Variants in PCDHB14 observed in about 807,000 individuals in gnomAD.
PCDHB14 encodes protocadherin beta 14.
For synonymous variants in PCDHB14, 511 were observed against 441.5 expected (o/e 1.16, Z -1.97); for missense variants, 1,129 against 1,000.5 (o/e 1.13, Z -1.73).
rs782530967 is a variant in PCDHB14, at chr5:141,225,557, C to T, written c.2052C>T (p.Asp684=). 2.5e-6 allele frequency: 4 copies of T among 1,610,780 alleles called. No individual in the cohort carries two copies. Among genetic ancestry groups the T allele is most frequent in the Non-Finnish European group, 3.4e-6 (4 of 1,179,798 alleles). The change falls in exon 1 of 1, where the codon GAC becomes GAT. Residue 684 remains aspartate, a synonymous_variant. Coordinates refer to ENST00000239449, the MANE Select transcript of PCDHB14 (RefSeq NM_018934.4). ...PEAAPAQAQA[D]SLTVYLVVAL... Reference sequence around the variant, plus strand: ...CGGCCCCGGCCCAGGCCCAGGCCGACTCCCTCACCGTCTACCTGGTGGTGG... The same window carrying T: ...CGGCCCCGGCCCAGGCCCAGGCCGATTCCCTCACCGTCTACCTGGTGGTGG...
Position 141,225,690 on chromosome 5 carries a change from G to T in PCDHB14, c.2185G>T (p.Glu729Ter). The stretch of plus-strand genomic sequence containing the variant: ...CTCGGTGGGTCGCTGCTCGGTGCCC[G>T]AGGGTCCCTTTCCAGGGCATCTGGT... ...AASVGRCSVP[E>*]GPFPGHLVDV... Residue 729 changes from glutamate to a stop codon, truncating the protein, a stop_gained, in exon 1 of 1, where the codon GAG (glutamate) becomes TAG (stop). Transcript: ENST00000239449. LOFTEE classifies it low-confidence loss of function (END_TRUNC). 1.2e-6 allele frequency: 2 copies of T among 1,613,950 alleles called. No homozygotes were observed. The highest frequency in any genetic ancestry group is 2.2e-5 in the South Asian group (2 of 91,056).
rs191524936 is a variant in PCDHB14 at position 141,223,895 on chromosome 5, C to T, written c.390C>T (p.Ser130=). Reference sequence around the variant, plus strand: ...GTGTCAAAGACATAAATGATCACTCCCCTACATTTCTAGACAAGGAAATAC... The same window carrying T: ...GTGTCAAAGACATAAATGATCACTCTCCTACATTTCTAGACAAGGAAATAC... ...ELCVKDINDH[S]PTFLDKEILI... The change falls in exon 1 of 1, where the codon TCC becomes TCT. Residue 130 remains serine (S), a synonymous_variant. Transcript: ENST00000239449. 2.7e-4 allele frequency: 432 copies of T among 1,613,464 alleles called. No individual in the cohort carries two copies. The highest frequency in any genetic ancestry group is 2.8e-4 in the Non-Finnish European group (336 of 1,179,822).
Position 141,225,094 on chromosome 5 carries a change from G to C in PCDHB14, c.1589G>C (p.Arg530Pro), listed in dbSNP as rs370360628. The C allele has an allele frequency of 1.2e-6, 2 of 1,612,080 alleles. No individual in the cohort carries two copies. The highest frequency in any genetic ancestry group is 2.7e-5 in the African/African-American group (2 of 74,886). Residue 530 changes from arginine to proline, a missense_variant, in exon 1 of 1, where the codon CGC (arginine) becomes CCC (proline). Arg to Pro is a moderately radical substitution (Grantham distance 103). Transcript: ENST00000239449. ...GAGGCCCTACAGGAGTTCGAGTTTC[G>C]CGTGGGCGCCACAGACCGCGGGTCC... ...DYEALQEFEF[R>P]VGATDRGSPA...
In PCDHB14 at chr5:141,225,390, C is replaced by G; in HGVS notation, c.1885C>G (p.Leu629Val). 2 of 1,604,276 alleles carry G rather than the reference C, an allele frequency of 1.2e-6. No individual in the cohort carries two copies. The highest frequency in any genetic ancestry group is 1.7e-6 in the Non-Finnish European group (2 of 1,179,378). Residue 629 changes from leucine (L) to valine (V), a missense_variant, in exon 1 of 1, where the codon CTG becomes GTG. Leu to Val is a conservative substitution (Grantham distance 32). Coordinates refer to ENST00000239449, the MANE Select transcript of PCDHB14 (RefSeq NM_018934.4). ...AHNGEVRTAR[L>V]LSERDAAKHR... ...CAATGGCGAGGTGCGCACCGCCAGG[C>G]TGCTGAGCGAGCGCGACGCGGCCAA...
At position 141,223,603 on chromosome 5, in the gene PCDHB14, A is replaced by T. The variant is rs782496577; in HGVS notation, c.98A>T (p.Tyr33Phe). The T allele has an allele frequency of 1.2e-6, 2 of 1,614,032 alleles. No homozygotes were observed. Among genetic ancestry groups the T allele is most frequent in the East Asian group, 4.5e-5 (2 of 44,894 alleles). ...CGGGCAGGTACTGAATCTGCACACT[A>T]TTCTGTGGCAGAGGAAACAGAAATT... ...LSRAGTESAH[Y>F]SVAEETEIGS... The change falls in exon 1 of 1, where the codon TAT becomes TTT. Residue 33 changes from tyrosine to phenylalanine, a missense_variant. Tyr to Phe is a conservative substitution (Grantham distance 22). Transcript: ENST00000239449.
chr5:141,223,674 G>A lies in PCDHB14; in HGVS notation c.169G>A (p.Glu57Lys), dbSNP rs147516119. The A allele has an allele frequency of 3.7e-6, 6 of 1,614,010 alleles. No homozygotes were observed. Among genetic ancestry groups the A allele is most frequent in the Non-Finnish European group, 5.1e-6 (6 of 1,180,038 alleles). ...AGCGAGGGACCTAGGGCTGGGGGTG[G>A]AGGAGCTGTCTTCACGTGAAGCCCG... ...NLARDLGLGV[E>K]ELSSREARVV... The change falls in exon 1 of 1, where the codon GAG becomes AAG. Residue 57 changes from glutamate (E) to lysine (K), a missense_variant. Coordinates refer to ENST00000239449, the MANE Select transcript of PCDHB14 (RefSeq NM_018934.4).
Position 141,224,707 on chromosome 5 carries a change from T to A in PCDHB14, c.1202T>A (p.Phe401Tyr). 1 of 1,614,150 alleles carries A rather than the reference T, an allele frequency of 6.2e-7. No homozygotes were observed. Among genetic ancestry groups the A allele is most frequent in the Non-Finnish European group, 8.5e-7 (1 of 1,180,018 alleles). ...FFLKPTFKNF[F>Y]TLVSEKALDR... ...CTGAAACCGACCTTCAAGAACTTTT[T>A]CACTCTAGTTTCTGAAAAAGCACTG... is the stretch of plus-strand genomic sequence containing the variant. The change falls in exon 1 of 1, where the codon TTC (phenylalanine) becomes TAC (tyrosine). Residue 401 changes from phenylalanine (F) to tyrosine (Y), a missense_variant. Physicochemically the swap from Phe to Tyr is conservative, Grantham distance 22 (BLOSUM62 3). Transcript: ENST00000239449.
At position 141,223,980 on chromosome 5, in the gene PCDHB14, G is replaced by T; in HGVS notation, c.475G>T (p.Asp159Tyr). The T allele has an allele frequency of 6.2e-7, 1 of 1,613,676 alleles. No homozygotes were observed. Among genetic ancestry groups the T allele is most frequent in the Middle Eastern group, 1.7e-4 (1 of 6,054 alleles). ...GATFLMESAQ[D>Y]LDVGSNSLQN... ...TACCTTTCTAATGGAGAGTGCTCAA[G>T]ATTTGGATGTCGGAAGCAACAGTCT... Residue 159 changes from aspartate to tyrosine, a missense_variant, in exon 1 of 1, where the codon GAT becomes TAT. Coordinates refer to ENST00000239449, the MANE Select transcript of PCDHB14 (RefSeq NM_018934.4).
In PCDHB14 at chr5:141,224,703, T is replaced by A. The variant is rs1554289223; in HGVS notation, c.1198T>A (p.Phe400Ile). The A allele has an allele frequency of 2.5e-6, 4 of 1,614,094 alleles. No individual in the cohort carries two copies. Among genetic ancestry groups the A allele is most frequent in the East Asian group, 2.2e-5 (1 of 44,868 alleles). ...TTTCCTGAAACCGACCTTCAAGAAC[T>A]TTTTCACTCTAGTTTCTGAAAAAGC... is the stretch of plus-strand genomic sequence containing the variant. ...PFFLKPTFKNFFTLVSEKALD... is the reference protein window; with the variant it reads ...PFFLKPTFKNIFTLVSEKALD... Residue 400 changes from phenylalanine to isoleucine, a missense_variant, in exon 1 of 1, where the codon TTT (phenylalanine) becomes ATT (isoleucine). Physicochemically the swap from Phe to Ile is conservative, Grantham distance 21. Coordinates refer to ENST00000239449, the MANE Select transcript of PCDHB14 (RefSeq NM_018934.4).
Position 141,223,842 on chromosome 5 carries a change from C to A in PCDHB14, c.337C>A (p.Pro113Thr). 1.2e-6 allele frequency: 2 copies of A among 1,612,858 alleles called. No homozygotes were observed. Among genetic ancestry groups the A allele is most frequent in the Non-Finnish European group, 8.5e-7 (1 of 1,179,718 alleles). ...GCATTTTCAGGTGGTTTTGGAAAAC[C>A]CTTTACAGTTTTTTCGGTTTGAGCT... ...VLHFQVVLEN[P>T]LQFFRFELCV... The change falls in exon 1 of 1, where the codon CCT (proline) becomes ACT (threonine). Residue 113 changes from proline to threonine, a missense_variant. Transcript: ENST00000239449.
At position 141,227,251 on chromosome 5, in the gene PCDHB14, G is replaced by T. The variant is rs1164998824; in HGVS notation, c.*1349G>T. 1 of 152,172 alleles carries T rather than the reference G, an allele frequency of 6.6e-6. No individual in the cohort carries two copies. The highest frequency in any genetic ancestry group is 6.5e-5 in the Admixed American group (1 of 15,276). The allele number at this position is 152,172 out of a possible 1,614,324, so 9.4% of individuals were successfully genotyped here. A position where few individuals can be genotyped will look rare whatever the true frequency, so the allele number is the denominator to read the frequency against. On this transcript the variant is annotated 3_prime_UTR_variant, in exon 1 of 1. Transcript: ENST00000239449. The stretch of plus-strand genomic sequence containing the variant: ...TAGCCTTCCATCAGATGAGTACAAA[G>T]CAAGAACTTCATAAGAAATTGAAAT...
At position 141,227,094 on chromosome 5, in the gene PCDHB14, C is replaced by G. The variant is rs146359963; in HGVS notation, c.*1192C>G. On this transcript the variant is annotated 3_prime_UTR_variant, in exon 1 of 1. Coordinates refer to ENST00000239449, the MANE Select transcript of PCDHB14 (RefSeq NM_018934.4). ...TGATCCACCTGCTTTGGCCTCCCAA[C>G]GTGCTAGGATTACAGGCATGAGCCA... 3.3e-5 allele frequency: 5 copies of G among 152,316 alleles called. No homozygotes were observed. In the East Asian group the frequency reaches 9.6e-4, roughly 29 times the overall value. 9.4% of individuals were successfully genotyped at this position (152,316 alleles called of 1,614,324 possible). A position where few individuals can be genotyped will look rare whatever the true frequency, so the allele number is the denominator to read the frequency against.
Position 141,223,804 on chromosome 5 carries a change from A to G in PCDHB14, c.299A>G (p.Glu100Gly). 6.2e-7 allele frequency: 1 copy of G among 1,613,982 alleles called. No individual in the cohort carries two copies. Among genetic ancestry groups the G allele is most frequent in the Non-Finnish European group, 8.5e-7 (1 of 1,180,000 alleles). Residue 100 changes from glutamate to glycine, a missense_variant, in exon 1 of 1, where the codon GAG becomes GGG. Coordinates refer to ENST00000239449, the MANE Select transcript of PCDHB14 (RefSeq NM_018934.4). Reference protein sequence around the residue: ...LDRDELCGSTEPCVLHFQVVL... With the variant: ...LDRDELCGSTGPCVLHFQVVL... ...CGAGACGAGCTGTGTGGCTCCACCG[A>G]GCCCTGTGTGCTGCATTTTCAGGTG...
Position 141,223,615 on chromosome 5 carries a change from A to G in PCDHB14, c.110A>G (p.Glu37Gly). 1.2e-6 allele frequency: 2 copies of G among 1,614,166 alleles called. No homozygotes were observed. Among genetic ancestry groups the G allele is most frequent in the African/African-American group, 1.3e-5 (1 of 75,050 alleles). ...GAATCTGCACACTATTCTGTGGCAG[A>G]GGAAACAGAAATTGGCTCTTTTGTG... ...GTESAHYSVA[E>G]ETEIGSFVAN... is the part of the protein sequence containing the mutation. The change falls in exon 1 of 1, where the codon GAG (glutamate) becomes GGG (glycine). Residue 37 changes from glutamate (E) to glycine (G), a missense_variant. Coordinates refer to ENST00000239449, the MANE Select transcript of PCDHB14 (RefSeq NM_018934.4).
chr5:141,223,830 G>T lies in PCDHB14; in HGVS notation c.325G>T (p.Val109Phe). 1 of 1,613,594 alleles carries T rather than the reference G, an allele frequency of 6.2e-7. No individual in the cohort carries two copies. Reference protein sequence around the residue: ...TEPCVLHFQVVLENPLQFFRF... With the variant: ...TEPCVLHFQVFLENPLQFFRF... ...GCCCTGTGTGCTGCATTTTCAGGTG[G>T]TTTTGGAAAACCCTTTACAGTTTTT... Residue 109 changes from valine to phenylalanine, a missense_variant, in exon 1 of 1, where the codon GTT (valine) becomes TTT (phenylalanine). Coordinates refer to ENST00000239449, the MANE Select transcript of PCDHB14 (RefSeq NM_018934.4).
In PCDHB14 at chr5:141,223,510, A is replaced by C; in HGVS notation, c.5A>C (p.Glu2Ala). 6.2e-7 allele frequency: 1 copy of C among 1,600,790 alleles called. No individual in the cohort carries two copies. Among genetic ancestry groups the C allele is most frequent in the Non-Finnish European group, 8.5e-7 (1 of 1,172,350 alleles). M[E>A]IRGALDLRKR... ...AAGAGATTGCCTAAAGGAACCATGG[A>C]GATCAGAGGGGCACTCGATCTGCGA... The change falls in exon 1 of 1, where the codon GAG becomes GCG. Residue 2 changes from glutamate to alanine, a missense_variant. By Grantham distance (107) the Glu-to-Ala change is moderately radical (BLOSUM62 -1). Coordinates refer to ENST00000239449, the MANE Select transcript of PCDHB14 (RefSeq NM_018934.4).
chr5:141,226,057 G>T lies in PCDHB14; in HGVS notation c.*155G>T, dbSNP rs1180355422. The stretch of plus-strand genomic sequence containing the variant: ...GTTTCTTTAAAAATCTTTATTAGTG[G>T]CTATAATGACGTGGAAATGTAATCT... On this transcript the variant is annotated 3_prime_UTR_variant, in exon 1 of 1. Coordinates refer to ENST00000239449, the MANE Select transcript of PCDHB14 (RefSeq NM_018934.4). 3 of 706,156 alleles carry T rather than the reference G, an allele frequency of 4.2e-6. No homozygotes were observed. Among genetic ancestry groups the T allele is most frequent in the Non-Finnish European group, 6.9e-6 (3 of 436,010 alleles). 43.7% of individuals were successfully genotyped at this position (706,156 alleles called of 1,614,324 possible). A position where few individuals can be genotyped will look rare whatever the true frequency, so the allele number is the denominator to read the frequency against.
Position 141,224,207 on chromosome 5 carries a change from C to T in PCDHB14, c.702C>T (p.Asp234=). ...CTTTGGTTCTCATCAAGGTGTTGGA[C>T]ATCAATGATAATGCCCCTGAGTTTC... ...GTTLVLIKVL[D]INDNAPEFPQ... The change falls in exon 1 of 1, where the codon GAC becomes GAT. Residue 234 remains aspartate (D), a synonymous_variant. Coordinates refer to ENST00000239449, the MANE Select transcript of PCDHB14 (RefSeq NM_018934.4). The T allele has an allele frequency of 1.9e-6, 3 of 1,613,880 alleles. No homozygotes were observed. Among genetic ancestry groups the T allele is most frequent in the Non-Finnish European group, 2.5e-6 (3 of 1,179,902 alleles).
At position 141,225,497 on chromosome 5, in the gene PCDHB14, C is replaced by G. The variant is rs145919831; in HGVS notation, c.1992C>G (p.Asp664Glu). The change falls in exon 1 of 1, where the codon GAC (aspartate) becomes GAG (glutamate). Residue 664 changes from aspartate to glutamate, a missense_variant. Transcript: ENST00000239449. ...CCACGCTGCACGTGCTCCTGGTGGACGGCTTCTCCCAGCCCTACCTGCCGC... is the reference window on the plus strand; with the variant it reads ...CCACGCTGCACGTGCTCCTGGTGGAGGGCTTCTCCCAGCCCTACCTGCCGC... ...ATATLHVLLVDGFSQPYLPLP... is the reference protein window; with the variant it reads ...ATATLHVLLVEGFSQPYLPLP... 6 of 1,606,826 alleles carry G rather than the reference C, an allele frequency of 3.7e-6. No homozygotes were observed. Among genetic ancestry groups the G allele is most frequent in the South Asian group, 2.2e-5 (2 of 90,998 alleles).
Sources: gnomAD v4.1 joint callset for allele counts on GRCh38, gnomAD v4.1.1 for gene constraint, MANE v1.5 for transcripts, NCBI Gene and HGNC (gene_info 2026-07-23, HGNC 2026-07-21) for gene names.